The following RABEPK variants were observed in gnomAD, a reference collection of about 807,000 sequenced individuals.
RABEPK encodes the protein Rab9 effector protein with kelch motifs, also known as 40 kDa Rab9 effector protein.
In RABEPK, 27 loss-of-function variants were observed where a neutral mutation model predicts 34.1. That is an observed-to-expected ratio of 0.79 (90% confidence interval 0.58 to 1.09). RABEPK has a LOEUF of 1.09. Among genes scored for constraint, RABEPK ranks in the 50% least tolerant of loss-of-function variants. The pLI is 0.00. For missense variants in RABEPK, 449 were observed against 462.6 expected, an observed-to-expected ratio of 0.97 and a Z score of 0.27; for synonymous variants, 172 against 169.2, an observed-to-expected ratio of 1.02 and a Z score of -0.13.
intron 2 of RABEPK, among the ~76,000 whole-genome samples, chr9:125,206,823 C>T (rs976070926): frequency 1.2e-4 from 18 of 152,148 alleles, no homozygotes; most frequent in Non-Finnish European, 2.6e-4. Context: ...GGCACGGTGG[C>T]TCACGCCTGT....
Position 125,227,899 on chromosome 9 carries a change from T to A in RABEPK, c.527-11T>A, listed in dbSNP as rs1831876684. On this transcript the variant is annotated splice_polypyrimidine_tract_variant and intron_variant, in intron 5 of 7. Transcript: ENST00000373538. The stretch of plus-strand genomic sequence containing the variant: ...TTTTGCCATTTGATGTTATTGAATT[T>A]ACTTTTCTAGACACTCTGACCTGGT... The A allele has an allele frequency of 6.5e-7, 1 of 1,533,540 alleles. No homozygotes were observed. Among genetic ancestry groups the A allele is most frequent in the African/African-American group, 1.4e-5 (1 of 71,372 alleles). 95.0% of individuals were successfully genotyped at this position (1,533,540 alleles called of 1,614,324 possible). A position where few individuals can be genotyped will look rare whatever the true frequency, so the allele number is the denominator to read the frequency against.
chr9:125,216,771 G>A (rs1830954725), intron 4 of RABEPK, among the ~76,000 whole-genome samples: 1 of 152,050 alleles, frequency 6.6e-6, no homozygotes, highest in South Asian at 2.1e-4. Context: ...GACCAGCCTG[G>A]CCAACATACT....
intron 1 of RABEPK, 71 bp from the exon 2 acceptor site, chr9:125,202,936 TA>T: frequency 5.6e-6 from 7 of 1,248,642 alleles, no homozygotes; most frequent in East Asian, 4.7e-5. Context: ...AGGAAAGGTT[TA>T]AAAAGGAGGT....
intron 4 of RABEPK, among the ~76,000 whole-genome samples, chr9:125,216,744 A>G (rs748802924): frequency 3.8e-4 from 58 of 152,086 alleles, no homozygotes; most frequent in Non-Finnish European, 7.8e-4. Flanking sequence ...GGGCGGATCA[A>G]AAGGTCAGGA....
intron 1 of RABEPK, among the ~76,000 whole-genome samples, chr9:125,201,711 T>C (rs183250967): frequency 6.6e-6 from 1 of 152,092 alleles, no homozygotes; most frequent in Admixed American, 6.5e-5. Context: ...CCTCTTGGGT[T>C]CAAGCAATTC....
intron 5 of RABEPK, 147 bp downstream of exon 5, chr9:125,220,847 T>C: frequency 9.3e-7 from 1 of 1,077,594 alleles, no homozygotes; most frequent in South Asian, 2.1e-5. Flanking sequence ...TGATATCTTT[T>C]TCCCACAGCA....
At position 125,207,580 on chromosome 9, in the gene RABEPK, C is replaced by T. The variant is rs754941261; in HGVS notation, c.70C>T (p.Pro24Ser). Residue 24 changes from proline to serine, a missense_variant, in exon 3 of 8, where the codon CCT (proline) becomes TCT (serine). By Grantham distance (74) the Pro-to-Ser change is moderately conservative. Coordinates refer to ENST00000373538, the MANE Select transcript of RABEPK (RefSeq NM_005833.4). ...RKATWYTLTV[P>S]GDSPCARVGH... ...CTTTGGCAGGTACACCTTGACTGTC[C>T]CTGGAGACAGCCCCTGTGCTCGAGT... The T allele has an allele frequency of 6.2e-6, 10 of 1,614,004 alleles. No individual in the cohort carries two copies. Among genetic ancestry groups the T allele is most frequent in the Non-Finnish European group, 8.5e-6 (10 of 1,179,910 alleles).
chr9:125,233,391 T>C (rs1002850313), intron 7 of RABEPK, among the ~76,000 whole-genome samples: 20 of 145,300 alleles, frequency 1.4e-4, no homozygotes, highest in South Asian at 1.3e-3. Flanking sequence ...CAGGCTGTAG[T>C]GCGGTGACGT....
intron 4 of RABEPK, among the ~76,000 whole-genome samples, chr9:125,214,859 C>T (rs1830821598): frequency 7.0e-6 from 1 of 143,692 alleles, no homozygotes; most frequent in Non-Finnish European, 1.5e-5. Flanking sequence ...GGTGTGATCT[C>T]GGCTCACCAC....
At chr9:125,231,930 G>A (rs551444113) in intron 6 of RABEPK, among the ~76,000 whole-genome samples, 15 of 125,944 alleles carry the variant, frequency 1.2e-4, no homozygotes, top group African/African-American at 3.6e-4. Context: ...ACGGAGCTTC[G>A]CTCTTGTTGC....
chr9:125,234,129 T>C lies in RABEPK; in HGVS notation c.*149T>C, dbSNP rs1308707835. ...AAGAAACTAATGCAAATAATTCTTA[T>C]GTGCACTAAACCTTGCTATATTGCC... On this transcript the variant is annotated 3_prime_UTR_variant, in exon 8 of 8. Coordinates refer to ENST00000373538, the MANE Select transcript of RABEPK (RefSeq NM_005833.4). 5 of 839,862 alleles carry C rather than the reference T, an allele frequency of 6.0e-6. No homozygotes were observed. The highest frequency in any genetic ancestry group is 3.7e-4 in the Middle Eastern group (1 of 2,722). The allele number at this position is 839,862 out of a possible 1,614,324, so 52.0% of individuals were successfully genotyped here.
chr9:125,222,837 G>T (rs974766593), intron 5 of RABEPK, among the ~76,000 whole-genome samples: 4 of 151,474 alleles, frequency 2.6e-5, no homozygotes, highest in African/African-American at 9.7e-5. Context: ...TTGAAATGAT[G>T]ATTATTATAT....
At chr9:125,203,173 GT>G in intron 2 of RABEPK, 107 bp downstream of exon 2, 2 of 923,864 alleles carry the variant, frequency 2.2e-6, no homozygotes, top group Non-Finnish European at 3.4e-6. Flanking sequence ...AGATGAAACT[GT>G]CTGCAGTTTC....
intron 1 of RABEPK, 35 bp from the exon 2 acceptor site, chr9:125,202,973 A>C (rs1186415484): frequency 6.4e-7 from 1 of 1,565,100 alleles, no homozygotes; most frequent in Non-Finnish European, 8.8e-7. Flanking sequence ...GATAATCATA[A>C]GTGTCTAAAA....
intron 5 of RABEPK, among the ~76,000 whole-genome samples, chr9:125,222,597 C>A (rs614919): frequency 0.54 from 80,865 of 150,798 alleles, 22,195 homozygotes; most frequent in Admixed American, 0.62. Context: ...ACCTGTAATC[C>A]CAGCTACTTG....
intron 4 of RABEPK, among the ~76,000 whole-genome samples, chr9:125,216,674 T>G (rs933370783): frequency 3.9e-5 from 6 of 152,068 alleles, no homozygotes; most frequent in African/African-American, 1.2e-4. Context: ...CGAAATAAAG[T>G]AGACACGGCC....
Position 125,234,122 on chromosome 9 carries a change from ATTC to A in RABEPK, c.*145_*147del. 1.1e-6 allele frequency: 1 copy of A among 884,050 alleles called. No individual in the cohort carries two copies. Among genetic ancestry groups the A allele is most frequent in the Non-Finnish European group, 1.7e-6 (1 of 572,220 alleles). The allele number at this position is 884,050 out of a possible 1,614,324, so 54.8% of individuals were successfully genotyped here. ...GTAGGTGAAGAAACTAATGCAAATA[ATTC>A]TTATGTGCACTAAACCTTGCTATAT... is the stretch of plus-strand genomic sequence containing the variant. On this transcript the variant is annotated 3_prime_UTR_variant, in exon 8 of 8. Coordinates refer to ENST00000373538, the MANE Select transcript of RABEPK (RefSeq NM_005833.4).
At chr9:125,233,089 A>AG (rs1436699843) in intron 7 of RABEPK, among the ~76,000 whole-genome samples, 1 of 151,606 alleles carries the variant, frequency 6.6e-6, no homozygotes, top group Non-Finnish European at 1.5e-5. Flanking sequence ...AAAAAAAAAA[A>AG]AAAGAAAGAA....
At chr9:125,223,448 T>A (rs1831502624) in intron 5 of RABEPK, among the ~76,000 whole-genome samples, 1 of 151,960 alleles carries the variant, frequency 6.6e-6, no homozygotes, top group Non-Finnish European at 1.5e-5. Context: ...AGAGCAAGGC[T>A]CTGTCTCAAA....
Sources: gnomAD v4.1 joint callset for allele counts (sites outside exome capture counted in the v4.1 genomes callset) on GRCh38, gnomAD v4.1.1 for gene constraint, MANE v1.5 for transcripts, NCBI Gene and HGNC (gene_info 2026-07-23, HGNC 2026-07-21) for gene names.